Variants in CCDC170 observed in about 807,000 individuals in gnomAD.
The protein encoded by CCDC170 is coiled-coil domain containing 170, also known as coiled-coil domain-containing protein 170.
A neutral mutation model predicts 72.6 loss-of-function variants in CCDC170; 69 were observed. That is an observed-to-expected ratio of 0.95 (90% CI 0.78 to 1.16). CCDC170 has a LOEUF of 1.16. Among genes scored for constraint, CCDC170 ranks in the 50% most tolerant of loss-of-function variants. The pLI is 0.00. For synonymous variants in CCDC170, 300 were observed against 303.9 expected, an observed-to-expected ratio of 0.99 and a Z score of 0.13; for missense variants, 852 against 832.5, an observed-to-expected ratio of 1.02 and a Z score of -0.29.
chr6:151,555,481 T>A (rs1239813258), intron 5 of CCDC170, among the ~76,000 whole-genome samples: 2 of 152,216 alleles, frequency 1.3e-5, no homozygotes, highest in Admixed American at 6.5e-5. Flanking sequence ...GGAAGTGACC[T>A]TCAGGCCATT....
intron 5 of CCDC170, among the ~76,000 whole-genome samples, chr6:151,572,351 G>A (rs1229010223): frequency 6.6e-6 from 1 of 152,082 alleles, no homozygotes; most frequent in Non-Finnish European, 1.5e-5. Context: ...ATGTTTTTAT[G>A]AGAATATTCC....
intron 1 of CCDC170, among the ~76,000 whole-genome samples, chr6:151,526,103 C>T (rs544403578): frequency 2.0e-5 from 3 of 151,314 alleles, no homozygotes; most frequent in East Asian, 1.9e-4. Context: ...TTTCTTCCTT[C>T]CTTCCTTCCT....
At chr6:151,536,529 C>CT in intron 2 of CCDC170, 83 bp downstream of exon 2, 1 of 1,499,522 alleles carries the variant, frequency 6.7e-7, no homozygotes, top group Admixed American at 1.7e-5. Flanking sequence ...GTAATCCCAG[C>CT]ACTTTGGGAG....
In CCDC170 at chr6:151,586,091, T is replaced by C; in HGVS notation, c.1293+2T>C. ...AACTTGAATTTTGAGAAACAAAAAG[T>C]AATGACCCGAGGGCATGTCCATGAG... On this transcript the variant is annotated splice_donor_variant, in intron 7 of 10. Transcript: ENST00000239374. LOFTEE classifies it high-confidence loss of function. 1 of 1,613,972 alleles carries C rather than the reference T, an allele frequency of 6.2e-7. No homozygotes were observed.
rs1374321514 is a variant in CCDC170 at position 151,581,217 on chromosome 6, TTGATAG to T, written c.1093-4671_1093-4666del. ...GATTTCTCTGTAGCATGTGAGCTAT[TTGATAG>T]CGCTTTACCAACAGCAGAACTTCTT... On this transcript the variant is annotated intron_variant, in intron 6 of 10. Coordinates refer to ENST00000239374, the MANE Select transcript of CCDC170 (RefSeq NM_025059.4). Among the ~76,000 whole-genome samples, 28 of 152,346 alleles carry T rather than the reference TTGATAG, an allele frequency of 1.8e-4. No individual in the cohort carries two copies. The East Asian group carries it at 5.0e-3, about 27-fold the overall frequency.
At chr6:151,592,096 G>T (rs962236879) in intron 7 of CCDC170, among the ~76,000 whole-genome samples, 15 of 152,096 alleles carry the variant, frequency 9.9e-5, no homozygotes, top group Non-Finnish European at 8.8e-5. Flanking sequence ...GGTGGCTCAT[G>T]CCTGTAATCC....
At chr6:151,570,008 G>T (rs12198710) in intron 5 of CCDC170, among the ~76,000 whole-genome samples, 11,773 of 152,250 alleles carry the variant, frequency 0.077, 551 homozygotes, top group Non-Finnish European at 0.11. Flanking sequence ...GGTTTAAAAA[G>T]AAAACGTTCT....
chr6:151,564,045 G>A (rs1776089201), intron 5 of CCDC170, among the ~76,000 whole-genome samples: 1 of 152,160 alleles, frequency 6.6e-6, no homozygotes, highest in South Asian at 2.1e-4. Context: ...GAGTCCTATT[G>A]TGCTCCTTTG....
intron 3 of CCDC170, among the ~76,000 whole-genome samples, chr6:151,541,761 T>C (rs1782693704): frequency 6.7e-6 from 1 of 149,280 alleles, no homozygotes; most frequent in African/African-American, 2.4e-5. Context: ...CAGAAAATCA[T>C]ATACAAATGA....
chr6:151,589,621 G>A (rs758006871), intron 7 of CCDC170, among the ~76,000 whole-genome samples: 6 of 141,058 alleles, frequency 4.3e-5, no homozygotes, highest in African/African-American at 1.8e-4. Flanking sequence ...TCATTAACAC[G>A]GACTAGGGAA....
intron 10 of CCDC170, 75 bp from the exon 11 acceptor site, chr6:151,617,872 G>T: frequency 1.4e-6 from 2 of 1,441,474 alleles, no homozygotes; most frequent in South Asian, 1.3e-5. Flanking sequence ...CAGGTTTTTT[G>T]TTTGTTGCAT....
At chr6:151,544,388 C>A (rs1350680678) in intron 3 of CCDC170, among the ~76,000 whole-genome samples, 184 bp from the exon 4 acceptor site, 1 of 152,186 alleles carries the variant, frequency 6.6e-6, no homozygotes, top group Non-Finnish European at 1.5e-5. Flanking sequence ...ATTGCTGCCA[C>A]TTTTCTCCTT....
intron 1 of CCDC170, among the ~76,000 whole-genome samples, chr6:151,526,146 T>C (rs1782406506): frequency 6.9e-6 from 1 of 145,780 alleles, no homozygotes; most frequent in African/African-American, 2.5e-5. Context: ...CCTCCCTCCC[T>C]CTCTCCCTCC....
At position 151,574,761 on chromosome 6, in the gene CCDC170, T is replaced by C. The variant is rs894723135; in HGVS notation, c.1092+1270T>C. Among the ~76,000 whole-genome samples, 6 of 152,316 alleles carry C rather than the reference T, an allele frequency of 3.9e-5. No individual in the cohort carries two copies. The South Asian group carries it at 1.2e-3, about 32-fold the overall frequency. On this transcript the variant is annotated intron_variant, in intron 6 of 10. Coordinates refer to ENST00000239374, the MANE Select transcript of CCDC170 (RefSeq NM_025059.4). Reference sequence around the variant, plus strand: ...TGGATTTTGGAATTACAGATAAAAGTTCCCAGACCTGTAATGGTATCTGGC... The same window carrying C: ...TGGATTTTGGAATTACAGATAAAAGCTCCCAGACCTGTAATGGTATCTGGC...
chr6:151,586,301 G>A (rs185790132), intron 7 of CCDC170, among the ~76,000 whole-genome samples: 8 of 152,218 alleles, frequency 5.3e-5, no homozygotes, highest in Admixed American at 1.3e-4. Context: ...TACCATATAT[G>A]AGGTCCTAAA....
At position 151,620,251 on chromosome 6, in the gene CCDC170, G is replaced by C. The variant is rs984381051; in HGVS notation, c.*2104G>C. 1 of 150,610 alleles carries C rather than the reference G, an allele frequency of 6.6e-6. No individual in the cohort carries two copies. Among genetic ancestry groups the C allele is most frequent in the Admixed American group, 6.6e-5 (1 of 15,108 alleles). The allele number at this position is 150,610 out of a possible 1,614,324, so 9.3% of individuals were successfully genotyped here. A position where few individuals can be genotyped will look rare whatever the true frequency, so the allele number is the denominator to read the frequency against. On this transcript the variant is annotated 3_prime_UTR_variant, in exon 11 of 11. Transcript: ENST00000239374. ...GAAACAGAAAAACCTAAAAGAAAGCGAATGAATTTGACACCTGTTGGTTGG... is the reference window on the plus strand; with the variant it reads ...GAAACAGAAAAACCTAAAAGAAAGCCAATGAATTTGACACCTGTTGGTTGG...
intron 1 of CCDC170, among the ~76,000 whole-genome samples, chr6:151,519,686 T>C (rs1782289902): frequency 6.6e-6 from 1 of 152,224 alleles, no homozygotes; most frequent in Non-Finnish European, 1.5e-5. Context: ...CGTTCGGGGT[T>C]CCTGACTTCC....
Position 151,586,011 on chromosome 6 carries a change from G to A in CCDC170, c.1215G>A (p.Gln405=), listed in dbSNP as rs1294068148. 1 of 1,614,194 alleles carries A rather than the reference G, an allele frequency of 6.2e-7. No homozygotes were observed. Among genetic ancestry groups the A allele is most frequent in the South Asian group, 1.1e-5 (1 of 91,084 alleles). Reference sequence around the variant, plus strand: ...CAGAGAATATGTTGGAGACTCTTCAGGGTCAGCTGACACACCTGGAGGCAG... The same window carrying A: ...CAGAGAATATGTTGGAGACTCTTCAAGGTCAGCTGACACACCTGGAGGCAG... ...QKAENMLETL[Q]GQLTHLEAEL... is the part of the protein sequence containing the mutation. The change falls in exon 7 of 11, where the codon CAG becomes CAA. Residue 405 remains glutamine (Q), a synonymous_variant. Transcript: ENST00000239374.
chr6:151,586,591 A>T (rs1323450691), intron 7 of CCDC170, among the ~76,000 whole-genome samples: 3 of 152,006 alleles, frequency 2.0e-5, no homozygotes, highest in Non-Finnish European at 4.4e-5. Context: ...AAATCTGGCA[A>T]GTGCATAGTA....
Sources: allele counts gnomAD v4.1 joint callset (sites outside exome capture counted in the v4.1 genomes callset), GRCh38; gene constraint gnomAD v4.1.1; transcripts MANE v1.5; gene names NCBI Gene and HGNC (gene_info 2026-07-23, HGNC 2026-07-21).